Variants in IGSF9 observed in about 807,000 individuals in gnomAD.
The protein encoded by IGSF9 is immunoglobulin superfamily member 9.
Under a neutral mutation model 121.7 loss-of-function variants are expected in IGSF9, and 87 were observed. The ratio of observed to expected loss-of-function variants is 0.71; its 90% CI spans 0.60 to 0.85. The LOEUF (loss-of-function observed/expected upper bound fraction) is 0.85, where lower values mean the gene tolerates loss of function less well. Among genes scored for constraint, IGSF9 ranks in the 40% least tolerant of loss-of-function variants. The pLI is 0.00. For synonymous variants in IGSF9, 640 were observed against 648.4 expected (o/e 0.99, Z 0.20); for missense variants, 1,462 against 1,565.3 (o/e 0.93, Z 1.11).
chr1:159,944,873 A>T (rs1651532470), intron 1 of IGSF9, among the ~76,000 whole-genome samples: 1 of 152,084 alleles, frequency 6.6e-6, no homozygotes, highest in South Asian at 2.1e-4. Context: ...CACTGCCTCC[A>T]GGCAGCTCTC....
In IGSF9 at chr1:159,936,692, G is replaced by A. The variant is rs2101880102; in HGVS notation, c.555+62C>T. 5 of 1,588,058 alleles carry A rather than the reference G, an allele frequency of 3.1e-6. No homozygotes were observed. In the East Asian group the frequency reaches 1.1e-4, roughly 36 times the overall value. On this transcript the variant is annotated intron_variant, in intron 5 of 20. Transcript: ENST00000368094. ...GCCTCCTCTGTCCTCTGGCCCCACT[G>A]CCAGGCCCCCACCTTCCCTTCACAC...
Position 159,930,365 on chromosome 1 carries a change from G to T in IGSF9, c.1888C>A (p.Leu630Met), listed in dbSNP as rs1372466563. The change falls in exon 15 of 21, where the codon CTG becomes ATG. Residue 630 changes from leucine to methionine, a missense_variant. Coordinates refer to ENST00000368094, the MANE Select transcript of IGSF9 (RefSeq NM_001135050.2). ...CCCCGGGGTGTCCTCACTGCCACCA[G>T]ACCCCGCGGAGGGGACAGGGGAGGC... ...IPPPLSPPRG[L>M]VAVRTPRGVL... 1 of 1,601,176 alleles carries T rather than the reference G, an allele frequency of 6.2e-7. No individual in the cohort carries two copies. The highest frequency in any genetic ancestry group is 1.1e-5 in the South Asian group (1 of 89,806).
At chr1:159,935,479 G>A (rs1199213951) in intron 6 of IGSF9, among the ~76,000 whole-genome samples, 3 of 152,024 alleles carry the variant, frequency 2.0e-5, no homozygotes, top group Non-Finnish European at 4.4e-5. Context: ...TTTGCTCCCT[G>A]CACCCCCGGT....
At chr1:159,929,488 CGGCTGGGAAAAGCGTA>C in intron 17 of IGSF9, 95 bp from the exon 18 acceptor site, 1 of 1,527,052 alleles carries the variant, frequency 6.5e-7, no homozygotes, top group Non-Finnish European at 9.0e-7. Flanking sequence ...CAACCCCATC[CGGCTGGGAAAAGCGTA>C]GGCAGGACCA....
At position 159,929,918 on chromosome 1, in the gene IGSF9, T is replaced by C; in HGVS notation, c.2122A>G (p.Ser708Gly). 6.3e-7 allele frequency: 1 copy of C among 1,577,228 alleles called. No homozygotes were observed. Among genetic ancestry groups the C allele is most frequent in the Non-Finnish European group, 8.6e-7 (1 of 1,162,064 alleles). Residue 708 changes from serine (S) to glycine (G), a missense_variant, in exon 16 of 21, where the codon AGC (serine) becomes GGC (glycine). By Grantham distance (56) the Ser-to-Gly change is moderately conservative. This residue lies in a region of IGSF9 where 808 missense variants were observed against 815.2 expected (regional missense o/e 0.99). Transcript: ENST00000368094. ...GAAGTGGAGACGTTGGCCGTGTTGC[T>C]GGGGTCGCTGACGAAGCTGCCCGCG... ...AFAGSFVSDPSNTANVSTSGL... is the reference protein window; with the variant it reads ...AFAGSFVSDPGNTANVSTSGL...
intron 14 of IGSF9, 45 bp from the exon 15 acceptor site, chr1:159,930,484 C>G (rs767848815): frequency 6.6e-7 from 1 of 1,517,816 alleles, no homozygotes; most frequent in Non-Finnish European, 8.8e-7. Context: ...TTCCCAGCGC[C>G]CCTCCCCTGG....
Position 159,931,648 on chromosome 1 carries a change from T to C in IGSF9, c.1363-45A>G, listed in dbSNP as rs997498796. ...CCCTGAGGACACACGCAGCCACCCCTCACCAAAGGCGCCCCTCATCTCTCC... is the reference window on the plus strand; with the variant it reads ...CCCTGAGGACACACGCAGCCACCCCCCACCAAAGGCGCCCCTCATCTCTCC... On this transcript the variant is annotated intron_variant, in intron 11 of 20. Transcript: ENST00000368094. This position sits in a 1 kb window ranked among gnomAD's most constrained non-coding sequence, Gnocchi z 4.8. The C allele has an allele frequency of 6.3e-7, 1 of 1,595,030 alleles. No homozygotes were observed. The highest frequency in any genetic ancestry group is 1.3e-5 in the African/African-American group (1 of 74,528).
Position 159,927,869 on chromosome 1 carries a change from G to A in IGSF9, c.3249C>T (p.Asp1083=), listed in dbSNP as rs780574603. Residue 1083 remains aspartate, a synonymous_variant, in exon 20 of 21, where the codon GAC becomes GAT. Transcript: ENST00000368094. ...ATTCTGAGTCCCACTCATAGTTCTC[G>A]TCCACAGATGTGTTCCTCCTGTAAA... ...TVSKRRNTSV[D]ENYEWDSEFP... is the part of the protein sequence containing the mutation. 28 of 1,604,420 alleles carry A rather than the reference G, an allele frequency of 1.7e-5. No homozygotes were observed. Among genetic ancestry groups the A allele is most frequent in the South Asian group, 1.2e-4 (11 of 90,438 alleles).
chr1:159,937,916 T>G, intron 3 of IGSF9, 78 bp from the exon 4 acceptor site: 15 of 1,466,964 alleles, frequency 1.0e-5, no homozygotes, highest in Non-Finnish European at 1.4e-5. Context: ...CTGGTAATTC[T>G]TAGAGGTAAG....
chr1:159,939,129 G>C (rs976951839), intron 3 of IGSF9, among the ~76,000 whole-genome samples: 2 of 152,058 alleles, frequency 1.3e-5, no homozygotes, highest in South Asian at 4.2e-4. Flanking sequence ...GTCTCACCTG[G>C]GTTTCTCCAA....
Position 159,937,677 on chromosome 1 carries a change from G to A in IGSF9, c.400+9C>T, listed in dbSNP as rs1176922923. ...GTCCTTCTCCACCACCTGCCCCCCAGCTTCATACAATTGACTGTCAGATGC... is the reference window on the plus strand; with the variant it reads ...GTCCTTCTCCACCACCTGCCCCCCAACTTCATACAATTGACTGTCAGATGC... On this transcript the variant is annotated intron_variant, in intron 4 of 20. Transcript: ENST00000368094. 3 of 1,611,876 alleles carry A rather than the reference G, an allele frequency of 1.9e-6. No homozygotes were observed. In the African/African-American group the frequency reaches 4.0e-5, roughly 22 times the overall value.
In IGSF9 at chr1:159,930,884, C is replaced by G. The variant is rs769656258; in HGVS notation, c.1638-17G>C. Reference sequence around the variant, plus strand: ...CGCTTGGCCCTGGGAGACATGAGGACATGGGGGGCACCTCGTGAGCTAGGA... The same window carrying G: ...CGCTTGGCCCTGGGAGACATGAGGAGATGGGGGGCACCTCGTGAGCTAGGA... On this transcript the variant is annotated splice_polypyrimidine_tract_variant and intron_variant, in intron 13 of 20. Transcript: ENST00000368094. 15 of 1,584,658 alleles carry G rather than the reference C, an allele frequency of 9.5e-6. No homozygotes were observed. Among genetic ancestry groups the G allele is most frequent in the Non-Finnish European group, 1.2e-5 (14 of 1,165,290 alleles).
Position 159,928,591 on chromosome 1 carries a change from G to C in IGSF9, c.2797C>G (p.Arg933Gly). 1 of 1,511,608 alleles carries C rather than the reference G, an allele frequency of 6.6e-7. No individual in the cohort carries two copies. The highest frequency in any genetic ancestry group is 1.3e-5 in the South Asian group (1 of 75,092). The allele number at this position is 1,511,608 out of a possible 1,614,324, so 93.6% of individuals were successfully genotyped here. A position where few individuals can be genotyped will look rare whatever the true frequency, so the allele number is the denominator to read the frequency against. ...CAGTCCCCATCCACATTCATCTCTC[G>C]GAAGAAGGGCAGGCTCAGGTACTGG... is the stretch of plus-strand genomic sequence containing the variant. Reference protein sequence around the residue: ...LLQYLSLPFFREMNVDGDWPP... With the variant: ...LLQYLSLPFFGEMNVDGDWPP... The change falls in exon 19 of 21, where the codon CGA becomes GGA. Residue 933 changes from arginine to glycine, a missense_variant. By Grantham distance (125) the Arg-to-Gly change is moderately radical (BLOSUM62 -2). Around this residue, in one of 3 missense-constraint regions of IGSF9, gnomAD observed 808 missense variants for 815.2 expected, o/e 0.99. Transcript: ENST00000368094.
chr1:159,929,172 A>G, intron 18 of IGSF9, 154 bp from the exon 19 acceptor site: 1 of 1,288,702 alleles, frequency 7.8e-7, no homozygotes, highest in Non-Finnish European at 1.1e-6. Context: ...GAGGGAAGGC[A>G]CAGGCCATAC....
chr1:159,931,702 C>G lies in IGSF9; in HGVS notation c.1363-99G>C, dbSNP rs540474211. ...CAGCTCCAGTTCCTCCCCACCCTGC[C>G]TCTGACAGCCTTCTCCTTCCCACAC... On this transcript the variant is annotated intron_variant, in intron 11 of 20. Coordinates refer to ENST00000368094, the MANE Select transcript of IGSF9 (RefSeq NM_001135050.2). This position sits in a 1 kb window ranked among gnomAD's most constrained non-coding sequence, Gnocchi z 4.8. 5 of 1,514,738 alleles carry G rather than the reference C, an allele frequency of 3.3e-6. No homozygotes were observed. In the South Asian group the frequency reaches 3.6e-5, roughly 11 times the overall value. The allele number at this position is 1,514,738 out of a possible 1,614,324, so 93.8% of individuals were successfully genotyped here. A position where few individuals can be genotyped will look rare whatever the true frequency, so the allele number is the denominator to read the frequency against.
Position 159,927,131 on chromosome 1 carries a change from G to C in IGSF9, c.*214C>G. ...AGAGAGAGAGAGAGAGAGAGAGAGA[G>C]GCAGACCTAAGATCCCTGTTCCAAT... On this transcript the variant is annotated 3_prime_UTR_variant, in exon 21 of 21. Coordinates refer to ENST00000368094, the MANE Select transcript of IGSF9 (RefSeq NM_001135050.2). 1 of 564,590 alleles carries C rather than the reference G, an allele frequency of 1.8e-6. No homozygotes were observed. The highest frequency in any genetic ancestry group is 3.1e-6 in the Non-Finnish European group (1 of 318,298). 35.0% of individuals were successfully genotyped at this position (564,590 alleles called of 1,614,324 possible).
At chr1:159,942,520 CGAT>C (rs1317066944) in intron 3 of IGSF9, among the ~76,000 whole-genome samples, 2 of 152,044 alleles carry the variant, frequency 1.3e-5, no homozygotes, top group Non-Finnish European at 2.9e-5. Flanking sequence ...GCATTTAAGA[CGAT>C]GAGGAAGGGG....
At chr1:159,942,890 G>A (rs1454995896) in intron 3 of IGSF9, 73 bp downstream of exon 3, 1 of 1,258,242 alleles carries the variant, frequency 7.9e-7, no homozygotes, top group Non-Finnish European at 1.1e-6. Context: ...TTCATAGGAG[G>A]CCTTGTGCGA....
Position 159,929,028 on chromosome 1 carries a change from G to T in IGSF9, c.2370-10C>A. 3 of 1,514,146 alleles carry T rather than the reference G, an allele frequency of 2.0e-6. No homozygotes were observed. Among genetic ancestry groups the T allele is most frequent in the Non-Finnish European group, 2.6e-6 (3 of 1,133,144 alleles). The allele number at this position is 1,514,146 out of a possible 1,614,324, so 93.8% of individuals were successfully genotyped here. ...TGAGCCCAGAGCAGAGCTGGGGAAG[G>T]ACAGGAGATCAGGGTCTGTGGTAGG... On this transcript the variant is annotated splice_polypyrimidine_tract_variant and intron_variant, in intron 18 of 20. Transcript: ENST00000368094.
Sources: allele counts gnomAD v4.1 joint callset (sites outside exome capture counted in the v4.1 genomes callset), GRCh38; gene constraint gnomAD v4.1.1; regional missense constraint gnomAD v4.1.1; non-coding constraint Gnocchi (gnomAD v3.1); transcripts MANE v1.5; gene names NCBI Gene and HGNC (gene_info 2026-07-23, HGNC 2026-07-21).